The following XKR4 variants were observed in gnomAD, a reference collection of about 807,000 sequenced individuals.
The protein encoded by XKR4 is XK-related protein 4.
In XKR4, 12 loss-of-function variants were observed where a neutral mutation model predicts 53.9. The observed-to-expected ratio is 0.22, with a 90% CI of 0.14 to 0.36. The LOEUF (loss-of-function observed/expected upper bound fraction) is 0.36, where lower values mean the gene tolerates loss of function less well. Ranked by LOEUF, XKR4 falls within the 10% of genes least tolerant of loss-of-function variation. XKR4 has a pLI of 1.00. For missense variants in XKR4, 799 were observed against 859.5 expected (o/e 0.93, Z 0.88); for synonymous variants, 354 against 362.4 (o/e 0.98, Z 0.26).
At chr8:55,288,210 G>A (rs1398286994) in intron 1 of XKR4, among the ~76,000 whole-genome samples, 1 of 152,152 alleles carries the variant, frequency 6.6e-6, no homozygotes. Flanking sequence ...CCACCAAGGG[G>A]ACATTCAGTA....
chr8:55,224,378 A>G (rs1313402703), intron 1 of XKR4, among the ~76,000 whole-genome samples: 2 of 152,224 alleles, frequency 1.3e-5, no homozygotes, highest in Non-Finnish European at 2.9e-5. Flanking sequence ...AAGCAATTTT[A>G]GAATTTGCAA....
chr8:55,432,815 A>C (rs548404680), intron 2 of XKR4, among the ~76,000 whole-genome samples: 1 of 151,772 alleles, frequency 6.6e-6, no homozygotes, highest in Admixed American at 6.6e-5. Context: ...TCCCTGCTTG[A>C]TCTTACCTTT....
chr8:55,172,212 A>C (rs569413404), intron 1 of XKR4, among the ~76,000 whole-genome samples: 1 of 128,142 alleles, frequency 7.8e-6, no homozygotes, highest in Non-Finnish European at 1.6e-5. Flanking sequence ...CTCTCTCTCA[A>C]AAAAAAAAAA....
chr8:55,219,420 A>C (rs1764558533), intron 1 of XKR4, among the ~76,000 whole-genome samples: 1 of 152,142 alleles, frequency 6.6e-6, no homozygotes. Context: ...GCACAGGAGC[A>C]TGGCAGGTTG....
At chr8:55,425,893 G>A (rs1474354952) in intron 2 of XKR4, among the ~76,000 whole-genome samples, 1 of 152,202 alleles carries the variant, frequency 6.6e-6, no homozygotes, top group African/African-American at 2.4e-5. Context: ...ATGTAATTGA[G>A]TGACCCAGCT....
intron 1 of XKR4, among the ~76,000 whole-genome samples, chr8:55,191,671 C>T (rs1347562989): frequency 5.5e-5 from 8 of 144,246 alleles, no homozygotes; most frequent in African/African-American, 2.1e-4. Flanking sequence ...CTCTTTTTTT[C>T]TTTTAGTACA....
At chr8:55,133,888 C>A (rs964110988) in intron 1 of XKR4, among the ~76,000 whole-genome samples, 1 of 152,102 alleles carries the variant, frequency 6.6e-6, no homozygotes, top group African/African-American at 2.4e-5. Flanking sequence ...GGAAATACAG[C>A]AAAGTTAATA....
intron 1 of XKR4, among the ~76,000 whole-genome samples, chr8:55,342,697 C>T (rs1039964198): frequency 6.6e-6 from 1 of 152,152 alleles, no homozygotes; most frequent in Admixed American, 6.5e-5. Context: ...CTTGCTTCCT[C>T]TTCCTCCTTT....
intron 1 of XKR4, among the ~76,000 whole-genome samples, chr8:55,320,189 C>A (rs933658584): frequency 1.3e-5 from 2 of 152,188 alleles, no homozygotes; most frequent in African/African-American, 4.8e-5. Context: ...AAAAGCAGTG[C>A]TCTAACAGTG....
intron 2 of XKR4, chr8:55,453,063 TG>T: frequency 1.7e-6 from 1 of 596,256 alleles, no homozygotes; most frequent in South Asian, 1.4e-5. Flanking sequence ...CCTCCTGGGC[TG>T]GGGCCTGATC....
intron 2 of XKR4, among the ~76,000 whole-genome samples, chr8:55,496,470 G>A (rs1320838706): frequency 6.6e-6 from 1 of 152,232 alleles, no homozygotes; most frequent in East Asian, 1.9e-4. Context: ...TCTTAAGACA[G>A]CCAACCTCTC....
intron 1 of XKR4, among the ~76,000 whole-genome samples, chr8:55,192,198 AAAGTT>A (rs1439985095): frequency 6.8e-6 from 1 of 146,122 alleles, no homozygotes; most frequent in East Asian, 2.1e-4. Flanking sequence ...GGATTTCAAC[AAAGTT>A]AAGGGACTTA....
intron 1 of XKR4, among the ~76,000 whole-genome samples, chr8:55,301,838 G>A (rs1418255358): frequency 6.6e-6 from 1 of 152,078 alleles, no homozygotes; most frequent in Admixed American, 6.6e-5. Flanking sequence ...CTTTTTGATG[G>A]GGTTGTTTGT....
At chr8:55,156,522 T>C (rs1207052433) in intron 1 of XKR4, among the ~76,000 whole-genome samples, 1 of 152,096 alleles carries the variant, frequency 6.6e-6, no homozygotes. Context: ...TGTAACTGTG[T>C]CTAAGTTTCA....
intron 1 of XKR4, among the ~76,000 whole-genome samples, chr8:55,231,646 T>A (rs1716247269): frequency 6.6e-6 from 1 of 151,996 alleles, no homozygotes; most frequent in African/African-American, 2.4e-5. Flanking sequence ...TTCAAAGGAA[T>A]TACCAGGCTT....
intron 1 of XKR4, among the ~76,000 whole-genome samples, chr8:55,276,269 G>T (rs1818762725): frequency 6.6e-6 from 1 of 152,182 alleles, no homozygotes; most frequent in Admixed American, 6.5e-5. Flanking sequence ...GTAGAAAGCT[G>T]AAGGGACTTT....
chr8:55,349,412 G>A (rs759659547), intron 1 of XKR4, among the ~76,000 whole-genome samples: 7 of 152,232 alleles, frequency 4.6e-5, no homozygotes, highest in Middle Eastern at 6.8e-3. Flanking sequence ...TTGGGATATC[G>A]GGGACCTTGG....
intron 2 of XKR4, among the ~76,000 whole-genome samples, chr8:55,388,703 A>G (rs529206472): frequency 6.6e-6 from 1 of 152,368 alleles, no homozygotes; most frequent in Admixed American, 6.5e-5. Context: ...ACTTCCACGT[A>G]TGAGTTTGAG....
At chr8:55,408,617 G>T (rs1486707937) in intron 2 of XKR4, among the ~76,000 whole-genome samples, 2 of 152,194 alleles carry the variant, frequency 1.3e-5, no homozygotes, top group African/African-American at 4.8e-5. Flanking sequence ...TCCTGAAAAA[G>T]CCCTGAGGTC....
Sources: gnomAD v4.1 joint callset for allele counts (sites outside exome capture counted in the v4.1 genomes callset) on GRCh38, gnomAD v4.1.1 for gene constraint, MANE v1.5 for transcripts, NCBI Gene and HGNC (gene_info 2026-07-23, HGNC 2026-07-21) for gene names.